ANO1: variants seen among roughly 807,000 people sequenced by gnomAD.
ANO1 encodes the protein anoctamin-1.
A neutral mutation model predicts 124.0 loss-of-function variants in ANO1; 59 were observed. The ratio of observed to expected loss-of-function variants is 0.48; its 90% CI spans 0.39 to 0.59. The LOEUF (loss-of-function observed/expected upper bound fraction) is 0.59, where lower values mean the gene tolerates loss of function less well. Ranked by LOEUF, ANO1 falls within the 20% of genes least tolerant of loss-of-function variation. ANO1 has a pLI of 0.00. For missense variants in ANO1, 1,059 were observed against 1,328.0 expected, an observed-to-expected ratio of 0.80 and a Z score of 3.15; for synonymous variants, 529 against 532.0, an observed-to-expected ratio of 0.99 and a Z score of 0.08.
At chr11:70,039,987 G>A (rs782405096) in intron 1 of ANO1, among the ~76,000 whole-genome samples, 11 of 152,074 alleles carry the variant, frequency 7.2e-5, no homozygotes, top group South Asian at 2.1e-4. Context: ...AGAGCAAATC[G>A]ATCAGTTTTT....
intron 1 of ANO1, among the ~76,000 whole-genome samples, chr11:70,032,536 G>T (rs1020099265): frequency 5.4e-5 from 4 of 74,656 alleles, no homozygotes; most frequent in East Asian, 6.5e-4. Context: ...AGGCGGGAGA[G>T]GGGGGGGGTC....
At chr11:70,050,135 T>A (rs1555006150) in intron 1 of ANO1, among the ~76,000 whole-genome samples, 1 of 152,200 alleles carries the variant, frequency 6.6e-6, no homozygotes, top group Non-Finnish European at 1.5e-5. Flanking sequence ...TGCCTGGAGC[T>A]TTTCCTCCTG....
At chr11:70,005,919 G>T (rs576422205) in intron 1 of ANO1, among the ~76,000 whole-genome samples, 2 of 152,272 alleles carry the variant, frequency 1.3e-5, no homozygotes, top group East Asian at 1.9e-4. Flanking sequence ...AACAGTTGTG[G>T]ACCAAGTGAT....
intron 1 of ANO1, among the ~76,000 whole-genome samples, chr11:70,016,031 T>C (rs1555001904): frequency 1.3e-5 from 2 of 151,834 alleles, no homozygotes; most frequent in South Asian, 4.2e-4. Flanking sequence ...TTTCTTTTTT[T>C]TTTTCTTTTT....
rs1392422582 is a variant in ANO1, at chr11:70,189,101, G to A, written c.*1097G>A. Reference sequence around the variant, plus strand: ...ACTGTTGGACAATTATTTTAAAAGTGTATAAAACCAAGTCTCATAAATGAT... The same window carrying A: ...ACTGTTGGACAATTATTTTAAAAGTATATAAAACCAAGTCTCATAAATGAT... On this transcript the variant is annotated 3_prime_UTR_variant, in exon 26 of 26. Coordinates refer to ENST00000355303, the MANE Select transcript of ANO1 (RefSeq NM_018043.7). The A allele has an allele frequency of 6.6e-6, 1 of 152,530 alleles. No individual in the cohort carries two copies. Among genetic ancestry groups the A allele is most frequent in the Non-Finnish European group, 1.5e-5 (1 of 68,022 alleles). The allele number at this position is 152,530 out of a possible 1,614,324, so 9.4% of individuals were successfully genotyped here. A position where few individuals can be genotyped will look rare whatever the true frequency, so the allele number is the denominator to read the frequency against.
At chr11:70,061,610 A>G (rs1245057940) in intron 1 of ANO1, among the ~76,000 whole-genome samples, 1 of 151,040 alleles carries the variant, frequency 6.6e-6, no homozygotes, top group Non-Finnish European at 1.5e-5. Context: ...TTTTCTTCCA[A>G]TTCCTTCTAG....
At chr11:70,037,733 G>GT (rs1439077406) in intron 1 of ANO1, among the ~76,000 whole-genome samples, 1 of 152,154 alleles carries the variant, frequency 6.6e-6, no homozygotes, top group Non-Finnish European at 1.5e-5. Flanking sequence ...AGGAAACCCG[G>GT]TTTTTTCTGC....
At position 70,044,986 on chromosome 11, in the gene ANO1, G is replaced by A. The variant is rs533016795; in HGVS notation, c.59-33556G>A. ...CAAACATAAAGAAATATTCAGTAAA[G>A]TATGTAGTTTTTAAATTACACTCCC... On this transcript the variant is annotated intron_variant, in intron 1 of 27. Transcript: ENST00000531349. Among the ~76,000 whole-genome samples, 7 of 152,292 alleles carry A rather than the reference G, an allele frequency of 4.6e-5. No individual in the cohort carries two copies. In the South Asian group the frequency reaches 1.4e-3, roughly 32 times the overall value.
chr11:70,126,445 C>G (rs1203189016), intron 10 of ANO1, among the ~76,000 whole-genome samples: 1 of 152,236 alleles, frequency 6.6e-6, no homozygotes, highest in Non-Finnish European at 1.5e-5. Context: ...AAAGAAACAT[C>G]TGACCATTTT....
At chr11:70,038,678 G>A (rs1383602000) in intron 1 of ANO1, among the ~76,000 whole-genome samples, 1 of 152,158 alleles carries the variant, frequency 6.6e-6, no homozygotes, top group Non-Finnish European at 1.5e-5. Context: ...GAGAGAGCCA[G>A]GACTTACCTG....
chr11:69,983,419 T>C (rs1268380216), upstream of ANO1, among the ~76,000 whole-genome samples: 1 of 152,204 alleles, frequency 6.6e-6, no homozygotes, highest in East Asian at 1.9e-4. Context: ...ATGACGGCTG[T>C]GTGTTGTAAT....
At chr11:70,092,999 T>TTC (rs1272299453) in intron 2 of ANO1, among the ~76,000 whole-genome samples, 2 of 148,036 alleles carry the variant, frequency 1.4e-5, no homozygotes, top group African/African-American at 5.0e-5. Flanking sequence ...CTCTCCCTCC[T>TTC]TCTCTCTCTC....
chr11:70,117,885 G>A (rs1461170214), intron 8 of ANO1, among the ~76,000 whole-genome samples: 2 of 152,174 alleles, frequency 1.3e-5, no homozygotes, highest in African/African-American at 2.4e-5. Flanking sequence ...GAATCCAGAT[G>A]AAGATGCTAT....
At chr11:69,992,302 T>C (rs946897209) in intron 1 of ANO1, among the ~76,000 whole-genome samples, 18 of 152,174 alleles carry the variant, frequency 1.2e-4, no homozygotes, top group Non-Finnish European at 2.2e-4. Flanking sequence ...AATGGATGGA[T>C]GGATGGATGG....
At chr11:69,996,179 G>C (rs1591023131) in intron 1 of ANO1, among the ~76,000 whole-genome samples, 2 of 152,118 alleles carry the variant, frequency 1.3e-5, no homozygotes, top group East Asian at 3.9e-4. Flanking sequence ...GAAGGATTTA[G>C]ATTGGAACCA....
chr11:70,156,698 A>C (rs565712177), intron 15 of ANO1, among the ~76,000 whole-genome samples: 4 of 152,314 alleles, frequency 2.6e-5, no homozygotes, highest in African/African-American at 9.6e-5. Context: ...ACACAGAGGA[A>C]TCACAGTGTT....
At position 70,010,173 on chromosome 11, in the gene ANO1, G is replaced by GTATATATATATATATATA. The variant is rs1565159722; in HGVS notation, c.58+24008_58+24009insATATATATATATATATAT. On this transcript the variant is annotated intron_variant, in intron 1 of 27. Transcript: ENST00000531349. ...TGTGTGTGTGTGTGTGTGCGCGTGT[G>GTATATATATATATATATA]TGTGTGTATATATATATATATATAT... Among the ~76,000 whole-genome samples the GTATATATATATATATATA allele has an allele frequency of 1.2e-3, 61 of 50,640 alleles. 4 individuals carry two copies. In the East Asian group the frequency reaches 0.053, roughly 44 times the overall value. 33.2% of individuals were successfully genotyped at this position (50,640 alleles called of 152,430 possible).
chr11:70,102,724 T>C (rs1301717042), intron 2 of ANO1, among the ~76,000 whole-genome samples: 1 of 152,212 alleles, frequency 6.6e-6, no homozygotes, highest in Non-Finnish European at 1.5e-5. Flanking sequence ...TCCTCTTTTG[T>C]GGCCTAGCCT....
intron 1 of ANO1, 110 bp from the exon 2 acceptor site, chr11:70,087,642 T>G: frequency 7.3e-6 from 8 of 1,093,926 alleles, no homozygotes; most frequent in Non-Finnish European, 8.9e-6. Context: ...TCAGGGAGTG[T>G]TTGTTGAACG....
Sources: gnomAD v4.1 joint callset for allele counts (sites outside exome capture counted in the v4.1 genomes callset) on GRCh38, gnomAD v4.1.1 for gene constraint, MANE v1.5 for transcripts, NCBI Gene and HGNC (gene_info 2026-07-23, HGNC 2026-07-21) for gene names.